Variants in NOP58 observed in about 807,000 individuals in gnomAD.
NOP58 encodes NOP58 ribonucleoprotein.
In NOP58, 44 loss-of-function variants were observed where a neutral mutation model predicts 71.2. That is an observed-to-expected ratio of 0.62 (90% CI 0.49 to 0.79). NOP58 has a LOEUF of 0.79. Ranked by LOEUF, NOP58 falls within the 30% of genes least tolerant of loss-of-function variation. NOP58 has a pLI of 0.00. For synonymous variants in NOP58, 228 were observed against 200.3 expected (o/e 1.14, Z -1.17); for missense variants, 538 against 620.2 (o/e 0.87, Z 1.41).
Position 202,291,968 on chromosome 2 carries a change from C to CTTTTTTTTTTTTTT in NOP58, c.780+721_780+734dup, listed in dbSNP as rs869075798. ...GATACAAATGTTTATTGCTCAGAAT[C>CTTTTTTTTTTTTTT]TTTTTTTTTTTTTTTTTTTTTTTTT... On this transcript the variant is annotated intron_variant, in intron 8 of 14. Coordinates refer to ENST00000264279, the MANE Select transcript of NOP58 (RefSeq NM_015934.5). Among the ~76,000 whole-genome samples the CTTTTTTTTTTTTTT allele has an allele frequency of 4.6e-5, 2 of 43,946 alleles. 1 individual carries two copies. The highest frequency in any genetic ancestry group is 8.3e-5 in the Non-Finnish European group (2 of 23,984). The allele number at this position is 43,946 out of a possible 152,430, so 28.8% of individuals were successfully genotyped here.
At chr2:202,292,973 C>A in intron 9 of NOP58, 70 bp downstream of exon 9, 1 of 1,540,974 alleles carries the variant, frequency 6.5e-7, no homozygotes. Flanking sequence ...TTGTTTACAT[C>A]TTTAAACTAC....
intron 2 of NOP58, chr2:202,275,398 C>T: frequency 4.3e-6 from 2 of 466,144 alleles, no homozygotes; most frequent in Non-Finnish European, 7.8e-6. Flanking sequence ...TAGTCTCCCC[C>T]TTACCCACAG....
At chr2:202,266,028 T>C (rs1216394292) in intron 1 of NOP58, 42 bp downstream of exon 1, 1 of 1,607,134 alleles carries the variant, frequency 6.2e-7, no homozygotes, top group East Asian at 2.2e-5. Flanking sequence ...AGGCGGATGC[T>C]GGACAGACGA....
At chr2:202,287,795 C>G in intron 6 of NOP58, 71 bp downstream of exon 6, 1 of 1,145,332 alleles carries the variant, frequency 8.7e-7, no homozygotes. Context: ...TTGAAACTAT[C>G]TTTTATGATT....
chr2:202,271,194 A>G lies in NOP58; in HGVS notation c.46-3919A>G, dbSNP rs558096493. On this transcript the variant is annotated intron_variant, in intron 1 of 14. Coordinates refer to ENST00000264279, the MANE Select transcript of NOP58 (RefSeq NM_015934.5). ...GATGGGCTCAATCCTAAAAGGCACA[A>G]CCCCCATATTTAACATCCCTAAAAT... Among the ~76,000 whole-genome samples, 43 of 152,216 alleles carry G rather than the reference A, an allele frequency of 2.8e-4. 1 individual carries two copies. The highest frequency in any genetic ancestry group is 1.0e-3 in the African/African-American group (43 of 41,524).
intron 2 of NOP58, chr2:202,276,573 C>T: frequency 4.5e-6 from 2 of 441,088 alleles, no homozygotes; most frequent in Admixed American, 2.2e-5. Flanking sequence ...GGCGTGATGG[C>T]TCACACCTGT....
At chr2:202,278,296 CA>C (rs1470018304) in intron 3 of NOP58, 1 of 528,604 alleles carries the variant, frequency 1.9e-6, no homozygotes, top group African/African-American at 1.9e-5. Context: ...TGCTGAAGCA[CA>C]ATTCAGTAAA....
intron 3 of NOP58, among the ~76,000 whole-genome samples, chr2:202,281,193 C>T (rs1364829946): frequency 2.7e-5 from 4 of 150,056 alleles, no homozygotes; most frequent in African/African-American, 9.9e-5. Flanking sequence ...AGTGCAATGT[C>T]ACGGTATCAC....
intron 6 of NOP58, among the ~76,000 whole-genome samples, chr2:202,288,463 C>T (rs1688829184): frequency 7.2e-6 from 1 of 138,868 alleles, no homozygotes; most frequent in Non-Finnish European, 1.5e-5. Context: ...GCCTGGGCAA[C>T]AAGAGCAAAT....
At chr2:202,269,757 GAAA>G (rs929397798) in intron 1 of NOP58, among the ~76,000 whole-genome samples, 1 of 151,916 alleles carries the variant, frequency 6.6e-6, no homozygotes, top group Non-Finnish European at 1.5e-5. Flanking sequence ...AAGAAAAAAA[GAAA>G]AAAAGAAATT....
At chr2:202,271,460 G>C (rs1242524296) in intron 1 of NOP58, among the ~76,000 whole-genome samples, 1 of 151,526 alleles carries the variant, frequency 6.6e-6, no homozygotes, top group Non-Finnish European at 1.5e-5. Context: ...CCAGCTACTT[G>C]GGAGGCTGAG....
At chr2:202,275,546 AC>A (rs1309695678) in intron 2 of NOP58, 1 of 169,122 alleles carries the variant, frequency 5.9e-6, no homozygotes, top group South Asian at 1.8e-4. Context: ...CTAAGCACTT[AC>A]CGCACACAGG....
intron 8 of NOP58, 30 bp downstream of exon 8, chr2:202,291,300 TG>T: frequency 6.4e-7 from 1 of 1,565,966 alleles, no homozygotes; most frequent in South Asian, 1.2e-5. Context: ...AATCTAGTTG[TG>T]GTGTTACCAG....
In NOP58 at chr2:202,295,801, A is replaced by G; in HGVS notation, c.1035A>G (p.Ser345=). Residue 345 remains serine, a synonymous_variant, in exon 10 of 15, where the codon TCA becomes TCG. Coordinates refer to ENST00000264279, the MANE Select transcript of NOP58 (RefSeq NM_015934.5). The part of the protein sequence containing the change: ...TPKYGLIYHA[S]LVGQTSPKHK... ...AGTATGGTCTCATTTATCATGCTTC[A>G]CTCGTGGGCCAGACAAGTCCCAAAC... 6.2e-7 allele frequency: 1 copy of G among 1,602,036 alleles called. No homozygotes were observed. Among genetic ancestry groups the G allele is most frequent in the Non-Finnish European group, 8.5e-7 (1 of 1,175,188 alleles).
At chr2:202,294,212 G>T (rs533933278) in intron 9 of NOP58, among the ~76,000 whole-genome samples, 1 of 151,606 alleles carries the variant, frequency 6.6e-6, no homozygotes, top group Non-Finnish European at 1.5e-5. Context: ...CCAGCTACTC[G>T]GGATGCTGAG....
At chr2:202,274,490 C>T (rs901063541) in intron 1 of NOP58, among the ~76,000 whole-genome samples, 7 of 150,682 alleles carry the variant, frequency 4.6e-5, no homozygotes, top group African/African-American at 1.2e-4. Context: ...GATCCGCCTG[C>T]CTCAGCCTCC....
intron 7 of NOP58, 90 bp downstream of exon 7, chr2:202,290,547 A>G: frequency 8.4e-7 from 1 of 1,192,590 alleles, no homozygotes; most frequent in Non-Finnish European, 1.2e-6. Context: ...GTTAAGCAAG[A>G]TTCCCAGGGT....
intron 9 of NOP58, among the ~76,000 whole-genome samples, chr2:202,294,702 C>T (rs1688961679): frequency 6.6e-6 from 1 of 152,074 alleles, no homozygotes; most frequent in Non-Finnish European, 1.5e-5. Flanking sequence ...TGGTGGCTTA[C>T]GCCTGTAATC....
intron 3 of NOP58, among the ~76,000 whole-genome samples, chr2:202,281,242 T>C (rs1214802581): frequency 6.6e-6 from 1 of 151,834 alleles, no homozygotes; most frequent in Non-Finnish European, 1.5e-5. Flanking sequence ...TTCTCCTACC[T>C]CAGCCTCCCG....
Sources: gnomAD v4.1 joint callset for allele counts (sites outside exome capture counted in the v4.1 genomes callset) on GRCh38, gnomAD v4.1.1 for gene constraint, MANE v1.5 for transcripts, NCBI Gene and HGNC (gene_info 2026-07-23, HGNC 2026-07-21) for gene names.